The following SH3BP5 variants were observed in gnomAD, a reference collection of about 807,000 sequenced individuals.
SH3BP5 encodes SH3 domain binding protein 5.
A neutral mutation model predicts 43.3 loss-of-function variants in SH3BP5; 22 were observed. The observed-to-expected ratio is 0.51, with a 90% CI of 0.36 to 0.73. SH3BP5 has a LOEUF of 0.73. Ranked by LOEUF, SH3BP5 falls within the 30% of genes least tolerant of loss-of-function variation. SH3BP5 has a pLI of 0.00. For missense variants in SH3BP5, 529 were observed against 586.9 expected, an observed-to-expected ratio of 0.90 and a Z score of 1.02; for synonymous variants, 255 against 225.8, an observed-to-expected ratio of 1.13 and a Z score of -1.16.
chr3:15,281,693 C>G (rs1205185307), intron 3 of SH3BP5, among the ~76,000 whole-genome samples: 2 of 152,188 alleles, frequency 1.3e-5, no homozygotes, highest in African/African-American at 2.4e-5. Context: ...TCTTAACACA[C>G]CATAATGGCA....
chr3:15,289,162 C>T (rs1381483584), intron 3 of SH3BP5, among the ~76,000 whole-genome samples: 1 of 152,200 alleles, frequency 6.6e-6, no homozygotes, highest in African/African-American at 2.4e-5. Flanking sequence ...ATAGTACCAA[C>T]GTGGCAGTCT....
intron 4 of SH3BP5, among the ~76,000 whole-genome samples, chr3:15,262,697 C>T (rs1696493576): frequency 6.6e-6 from 1 of 151,642 alleles, no homozygotes; most frequent in Non-Finnish European, 1.5e-5. Context: ...GTGGCTCACA[C>T]CTGTAATCAC....
chr3:15,258,235 A>T (rs1696295181), intron 7 of SH3BP5: 1 of 152,232 alleles, frequency 6.6e-6, no homozygotes, highest in African/African-American at 2.4e-5. Context: ...GGTTTTCTTG[A>T]TGAGCATGAC....
rs999652955 is a variant in SH3BP5, at chr3:15,282,434, T to C, written c.331-12557A>G. Among the ~76,000 whole-genome samples, 22 of 152,260 alleles carry C rather than the reference T, an allele frequency of 1.4e-4. No homozygotes were observed. In the South Asian group the frequency reaches 1.7e-3, roughly 11 times the overall value. On this transcript the variant is annotated intron_variant, in intron 3 of 8. Coordinates refer to ENST00000383791, the MANE Select transcript of SH3BP5 (RefSeq NM_004844.5). Reference sequence around the variant, plus strand: ...TTCCATAATAAAAAAGTTTACAAAATTGCTTCTCAATACATTTCTTAATCA... The same window carrying C: ...TTCCATAATAAAAAAGTTTACAAAACTGCTTCTCAATACATTTCTTAATCA...
chr3:15,318,368 A>G (rs1043565354), intron 2 of SH3BP5, among the ~76,000 whole-genome samples: 5 of 152,048 alleles, frequency 3.3e-5, no homozygotes, highest in Admixed American at 2.0e-4. Flanking sequence ...TGCCCTTCAC[A>G]TTTTAGAAGG....
intron 3 of SH3BP5, among the ~76,000 whole-genome samples, chr3:15,291,669 C>G (rs371140367): frequency 5.7e-4 from 87 of 152,264 alleles, no homozygotes; most frequent in African/African-American, 1.9e-3. Context: ...GGGTGTAGTT[C>G]TGTCTCTCAC....
In SH3BP5 at chr3:15,269,996, A is replaced by G. The variant is rs931103941; in HGVS notation, c.331-119T>C. The G allele has an allele frequency of 9.5e-6, 8 of 841,446 alleles. No individual in the cohort carries two copies. In the South Asian group the frequency reaches 9.6e-5, roughly 10 times the overall value. 52.1% of individuals were successfully genotyped at this position (841,446 alleles called of 1,614,324 possible). A position where few individuals can be genotyped will look rare whatever the true frequency, so the allele number is the denominator to read the frequency against. On this transcript the variant is annotated intron_variant, in intron 3 of 8. Coordinates refer to ENST00000383791, the MANE Select transcript of SH3BP5 (RefSeq NM_004844.5). The stretch of plus-strand genomic sequence containing the variant: ...AGGACAAGCTCATCTCTGCCTCTTC[A>G]CTCCTGGCACCCACAGGTCCTCATA...
intron 3 of SH3BP5, among the ~76,000 whole-genome samples, chr3:15,286,683 A>G (rs946124666): frequency 1.3e-5 from 2 of 152,118 alleles, no homozygotes; most frequent in Admixed American, 6.5e-5. Flanking sequence ...CCTCCTAGGT[A>G]GCTGGGACTA....
chr3:15,322,764 G>A (rs766541399), intron 2 of SH3BP5, among the ~76,000 whole-genome samples: 8 of 152,180 alleles, frequency 5.3e-5, no homozygotes, highest in Non-Finnish European at 8.8e-5. Context: ...GAGCCCAGGA[G>A]TTCGAGGCTC....
chr3:15,320,655 A>G (rs927682860), intron 2 of SH3BP5, among the ~76,000 whole-genome samples: 1 of 67,554 alleles, frequency 1.5e-5, no homozygotes, highest in Non-Finnish European at 3.8e-5. Flanking sequence ...ACTACGTTAA[A>G]GTCCCTACAA....
chr3:15,293,941 G>A (rs1217048144), intron 3 of SH3BP5, among the ~76,000 whole-genome samples: 1 of 151,878 alleles, frequency 6.6e-6, no homozygotes, highest in Non-Finnish European at 1.5e-5. Context: ...AGCCTGGTGT[G>A]GTGGTGTGCA....
chr3:15,278,676 A>G (rs1056919525), intron 3 of SH3BP5, among the ~76,000 whole-genome samples: 7 of 152,332 alleles, frequency 4.6e-5, no homozygotes, highest in Middle Eastern at 6.8e-3. Context: ...TAGTTCCTTG[A>G]TTATTTTTCA....
intron 4 of SH3BP5, among the ~76,000 whole-genome samples, chr3:15,263,155 C>G (rs138224243): frequency 6.6e-6 from 1 of 152,146 alleles, no homozygotes; most frequent in Admixed American, 6.5e-5. Flanking sequence ...AAACAAAAAC[C>G]AGAAAATTTT....
At chr3:15,315,211 C>T (rs948552551) in intron 2 of SH3BP5, among the ~76,000 whole-genome samples, 13 of 151,448 alleles carry the variant, frequency 8.6e-5, no homozygotes, top group Admixed American at 5.3e-4. Flanking sequence ...CCAGGGCCAA[C>T]TGAAACATGT....
At chr3:15,341,213 C>T (rs1290157454) in intron 1 of SH3BP5, 1 of 152,588 alleles carries the variant, frequency 6.6e-6, no homozygotes, top group South Asian at 2.1e-4. Flanking sequence ...CGCCCCTCCT[C>T]CTCGCTCACC....
intron 3 of SH3BP5, among the ~76,000 whole-genome samples, chr3:15,296,694 C>G (rs370442117): frequency 8.0e-6 from 1 of 124,968 alleles, no homozygotes; most frequent in African/African-American, 3.5e-5. Context: ...AGTGTTTTTC[C>G]TTTTTTTTTT....
At chr3:15,326,649 G>A (rs1363484269) in intron 2 of SH3BP5, among the ~76,000 whole-genome samples, 3 of 152,160 alleles carry the variant, frequency 2.0e-5, no homozygotes, top group East Asian at 1.9e-4. Flanking sequence ...TTCATTCACC[G>A]ACATACACAG....
chr3:15,270,694 G>A (rs1696772223), intron 3 of SH3BP5, among the ~76,000 whole-genome samples: 1 of 152,094 alleles, frequency 6.6e-6, no homozygotes, highest in African/African-American at 2.4e-5. Context: ...CACTATGGGA[G>A]GCAGGCGGAT....
chr3:15,265,849 C>T (rs1223430992), intron 4 of SH3BP5, among the ~76,000 whole-genome samples: 1 of 152,058 alleles, frequency 6.6e-6, no homozygotes, highest in Non-Finnish European at 1.5e-5. Flanking sequence ...TGCTCAGCCC[C>T]GGACCCTGCT....
Sources: gnomAD v4.1 joint callset for allele counts (sites outside exome capture counted in the v4.1 genomes callset) on GRCh38, gnomAD v4.1.1 for gene constraint, MANE v1.5 for transcripts, NCBI Gene and HGNC (gene_info 2026-07-23, HGNC 2026-07-21) for gene names.